Variants in CACNA2D4 observed in about 807,000 individuals in gnomAD.
The protein encoded by CACNA2D4 is calcium voltage-gated channel auxiliary subunit alpha2delta 4.
CACNA2D4 carries 157 observed loss-of-function variants against 163.8 expected under a neutral mutation model. The ratio of observed to expected loss-of-function variants is 0.96; its 90% CI spans 0.84 to 1.09. The LOEUF (loss-of-function observed/expected upper bound fraction) is 1.09. Among genes scored for constraint, CACNA2D4 ranks in the 50% least tolerant of loss-of-function variants. The pLI is 0.00. For synonymous variants in CACNA2D4, 598 were observed against 586.9 expected (o/e 1.02, Z -0.27); for missense variants, 1,410 against 1,479.9 (o/e 0.95, Z 0.78).
At position 1,892,709 on chromosome 12, in the gene CACNA2D4, A is replaced by T. The variant is rs186580593; in HGVS notation, c.782-5640T>A. 7.7e-4 allele frequency among the ~76,000 whole-genome samples: 115 copies of T among 148,720 alleles called. 2 individuals carry two copies. Among genetic ancestry groups the T allele is most frequent in the Admixed American group, 9.9e-4 (15 of 15,094 alleles). On this transcript the variant is annotated intron_variant, in intron 6 of 37. Coordinates refer to ENST00000382722, the MANE Select transcript of CACNA2D4 (RefSeq NM_172364.5). ...AAGGTATAGATTAGCTGAATGGTTT[A>T]AAAAAAAAGGGACCAACTATATGCT...
At chr12:1,836,635 G>C (rs909096277) in intron 26 of CACNA2D4, 9 of 152,682 alleles carry the variant, frequency 5.9e-5, no homozygotes, top group Non-Finnish European at 1.3e-4. Flanking sequence ...GGACTGGGGG[G>C]AGGGGAGGGC....
At chr12:1,871,041 G>A (rs1186309561) in intron 18 of CACNA2D4, among the ~76,000 whole-genome samples, 1 of 152,174 alleles carries the variant, frequency 6.6e-6, no homozygotes, top group African/African-American at 2.4e-5. Flanking sequence ...TGGTGTGTGT[G>A]TGTATACGTG....
chr12:1,795,015 A>C (rs1020885414), intron 37 of CACNA2D4: 4 of 562,656 alleles, frequency 7.1e-6, no homozygotes, highest in Non-Finnish European at 9.5e-6. Context: ...GGAACCAGGG[A>C]CTAAGACCAA....
Position 1,878,580 on chromosome 12 carries a change from G to A in CACNA2D4, c.1645-191C>T, listed in dbSNP as rs184224144. ...TGAGGAGTCCTTTCCAAACCGGACT[G>A]TTTATAGCAACCGTCATCATACATA... On this transcript the variant is annotated intron_variant, in intron 15 of 37. Coordinates refer to ENST00000382722, the MANE Select transcript of CACNA2D4 (RefSeq NM_172364.5). This position sits in a 1 kb window ranked among gnomAD's most constrained non-coding sequence, Gnocchi z 4.6. 1,452 of 1,041,202 alleles carry A rather than the reference G, an allele frequency of 1.4e-3. 1 individual carries two copies. The highest frequency in any genetic ancestry group is 1.7e-3 in the Non-Finnish European group (1,207 of 701,948). The allele number at this position is 1,041,202 out of a possible 1,614,324, so 64.5% of individuals were successfully genotyped here.
rs1866105391 is a variant in CACNA2D4, at chr12:1,885,130, G to A, written c.1069-54C>T. 6 of 1,447,886 alleles carry A rather than the reference G, an allele frequency of 4.1e-6. No homozygotes were observed. The Admixed American group carries it at 8.4e-5, about 20-fold the overall frequency. 89.7% of individuals were successfully genotyped at this position (1,447,886 alleles called of 1,614,324 possible). A position where few individuals can be genotyped will look rare whatever the true frequency, so the allele number is the denominator to read the frequency against. On this transcript the variant is annotated intron_variant, in intron 9 of 37. Coordinates refer to ENST00000382722, the MANE Select transcript of CACNA2D4 (RefSeq NM_172364.5). ...TCAGGGGGTTGAGTGGGCCAGTGGA[G>A]CTTCATGTTTGGTGTTAATTTGGGA...
chr12:1,818,474 C>T (rs1013209932), intron 26 of CACNA2D4, among the ~76,000 whole-genome samples: 1 of 151,786 alleles, frequency 6.6e-6, no homozygotes, highest in Non-Finnish European at 1.5e-5. Flanking sequence ...ACCTTACTCC[C>T]AACCCTGTGC....
chr12:1,868,470 G>A (rs1471965037), intron 18 of CACNA2D4, among the ~76,000 whole-genome samples: 1 of 151,626 alleles, frequency 6.6e-6, no homozygotes, highest in East Asian at 1.9e-4. Flanking sequence ...ACGGTGGGAG[G>A]TGGGGAATGA....
At chr12:1,913,386 G>C (rs571178578) in intron 2 of CACNA2D4, among the ~76,000 whole-genome samples, 1 of 152,172 alleles carries the variant, frequency 6.6e-6, no homozygotes, top group South Asian at 2.1e-4. Flanking sequence ...GCCTTAACAG[G>C]GGAGTAGACC....
intron 26 of CACNA2D4, among the ~76,000 whole-genome samples, chr12:1,838,860 C>T (rs1346932089): frequency 6.6e-6 from 1 of 152,122 alleles, no homozygotes; most frequent in Non-Finnish European, 1.5e-5. Context: ...GAGACGATTT[C>T]GGAGTCAAAG....
rs570591724 is a variant in CACNA2D4 at position 1,800,497 on chromosome 12, C to T, written c.2869-59G>A. 7.8e-6 allele frequency: 12 copies of T among 1,545,208 alleles called. No homozygotes were observed. In the African/African-American group the frequency reaches 9.6e-5, roughly 12 times the overall value. On this transcript the variant is annotated intron_variant, in intron 31 of 37. Transcript: ENST00000382722. ...AGGTCCAAGGGTGAGGGTGCCCCCCCCCCACCACCAGCACCACCCTCAGAG... is the reference window on the plus strand; with the variant it reads ...AGGTCCAAGGGTGAGGGTGCCCCCCTCCCACCACCAGCACCACCCTCAGAG...
chr12:1,860,271 C>T (rs1413391301), intron 18 of CACNA2D4, 65 bp from the exon 19 acceptor site: 2 of 1,251,188 alleles, frequency 1.6e-6, no homozygotes, highest in Non-Finnish European at 1.2e-6. Context: ...CCCACCTCGC[C>T]CCCAGGGCTC....
chr12:1,800,544 T>A, intron 31 of CACNA2D4, 106 bp from the exon 32 acceptor site: 3 of 1,116,258 alleles, frequency 2.7e-6, no homozygotes, highest in South Asian at 1.3e-5. Context: ...TGGGCTGCCC[T>A]GCCACTGGGA....
At chr12:1,870,750 G>A (rs1042072150) in intron 18 of CACNA2D4, among the ~76,000 whole-genome samples, 2 of 152,092 alleles carry the variant, frequency 1.3e-5, no homozygotes, top group Non-Finnish European at 2.9e-5. Context: ...GAGAGAAGGG[G>A]TGTGGGGGGT....
intron 20 of CACNA2D4, among the ~76,000 whole-genome samples, chr12:1,856,444 C>T (rs1358477818): frequency 6.6e-6 from 1 of 152,222 alleles, no homozygotes; most frequent in African/African-American, 2.4e-5. Context: ...CAAATCCTAC[C>T]CCTTCTTCAA....
Position 1,874,685 on chromosome 12 carries a change from GAA to G in CACNA2D4, c.1807-12_1807-11del, listed in dbSNP as rs778093808. The G allele has an allele frequency of 1.9e-6, 3 of 1,599,674 alleles. No homozygotes were observed. In the South Asian group the frequency reaches 3.3e-5, roughly 18 times the overall value. ...TCATGGCTGTTCTCAGCTTCAGGAG[GAA>G]AGACAATGGCATTAGTTCCTTGGCT... On this transcript the variant is annotated splice_polypyrimidine_tract_variant and intron_variant, in intron 17 of 37. Coordinates refer to ENST00000382722, the MANE Select transcript of CACNA2D4 (RefSeq NM_172364.5). This position sits in a 1 kb window ranked among gnomAD's most constrained non-coding sequence, Gnocchi z 4.4.
intron 23 of CACNA2D4, among the ~76,000 whole-genome samples, chr12:1,850,590 AT>A (rs577581556): frequency 1.2e-4 from 18 of 151,984 alleles, no homozygotes; most frequent in African/African-American, 4.3e-4. Flanking sequence ...ATAGAAACAT[AT>A]TTTTTTCTTT....
chr12:1,824,490 G>A (rs968844335), intron 26 of CACNA2D4, among the ~76,000 whole-genome samples: 4 of 152,124 alleles, frequency 2.6e-5, no homozygotes, highest in African/African-American at 9.7e-5. Flanking sequence ...TGGAAGGGAG[G>A]CCAGGGACTC....
intron 23 of CACNA2D4, among the ~76,000 whole-genome samples, chr12:1,852,802 C>A (rs911965318): frequency 2.0e-5 from 3 of 152,086 alleles, no homozygotes; most frequent in Non-Finnish European, 1.5e-5. Context: ...AGAGTCGGGG[C>A]GCAGGAGTGA....
intron 6 of CACNA2D4, among the ~76,000 whole-genome samples, chr12:1,894,038 T>C (rs1267769396): frequency 1.3e-5 from 2 of 151,784 alleles, no homozygotes; most frequent in Admixed American, 6.6e-5. Flanking sequence ...AGGACCCAAA[T>C]GAACAAAATC....
Sources: gnomAD v4.1 joint callset for allele counts (sites outside exome capture counted in the v4.1 genomes callset) on GRCh38, gnomAD v4.1.1 for gene constraint, Gnocchi (gnomAD v3.1) non-coding constraint, MANE v1.5 for transcripts, NCBI Gene and HGNC (gene_info 2026-07-23, HGNC 2026-07-21) for gene names.